Variants in SLC37A1 observed in about 807,000 individuals in gnomAD.
SLC37A1 encodes the protein glucose-6-phosphate exchanger SLC37A1.
A neutral mutation model predicts 75.3 loss-of-function variants in SLC37A1; 49 were observed. The observed-to-expected ratio is 0.65, with a 90% CI of 0.52 to 0.83. The LOEUF is 0.83. Ranked by LOEUF, SLC37A1 falls within the 40% of genes least tolerant of loss-of-function variation. The pLI is 0.00. For missense variants in SLC37A1, 566 were observed against 695.0 expected, an observed-to-expected ratio of 0.81 and a Z score of 2.09; for synonymous variants, 268 against 292.1, an observed-to-expected ratio of 0.92 and a Z score of 0.84.
chr21:42,525,949 A>C, intron 3 of SLC37A1, 92 bp downstream of exon 3: 1 of 841,964 alleles, frequency 1.2e-6, no homozygotes, highest in Non-Finnish European at 2.0e-6. Flanking sequence ...GGTAGCAGGT[A>C]CATGGGGAAA....
intron 17 of SLC37A1, among the ~76,000 whole-genome samples, chr21:42,573,579 G>A (rs777350163): frequency 5.9e-5 from 9 of 151,816 alleles, no homozygotes; most frequent in Admixed American, 1.3e-4. Context: ...ATGAGTAGCC[G>A]ACCATGTTTA....
At chr21:42,567,105 GTGCCATTCA>G (rs1209052786) in intron 16 of SLC37A1, 47 bp downstream of exon 16, 1 of 1,595,714 alleles carries the variant, frequency 6.3e-7, no homozygotes, top group Admixed American at 1.7e-5. Flanking sequence ...ACCCTGCCAT[GTGCCATTCA>G]TGACAAAAGT....
chr21:42,536,631 G>A (rs1461895280), intron 5 of SLC37A1, among the ~76,000 whole-genome samples: 3 of 152,218 alleles, frequency 2.0e-5, no homozygotes, highest in Non-Finnish European at 2.9e-5. Context: ...CAAGAGCCTC[G>A]TGCCACATTG....
At chr21:42,579,287 G>C (rs2056368054) in intron 18 of SLC37A1, among the ~76,000 whole-genome samples, 2 of 152,248 alleles carry the variant, frequency 1.3e-5, no homozygotes, top group South Asian at 4.1e-4. Context: ...TGGCGCCAGA[G>C]GAAGTGCTCA....
At chr21:42,561,772 T>G (rs2055836086) in intron 11 of SLC37A1, 1 of 310,480 alleles carries the variant, frequency 3.2e-6, no homozygotes, top group Non-Finnish European at 6.0e-6. Flanking sequence ...AAGTAGAAAA[T>G]CTGGCCACGC....
intron 17 of SLC37A1, among the ~76,000 whole-genome samples, chr21:42,571,100 C>A (rs2056152789): frequency 6.6e-6 from 1 of 152,236 alleles, no homozygotes; most frequent in Admixed American, 6.5e-5. Context: ...CCTACCCACC[C>A]CCACCACCAC....
At chr21:42,512,917 C>T (rs1281536502), upstream of SLC37A1, among the ~76,000 whole-genome samples, 2 of 152,262 alleles carry the variant, frequency 1.3e-5, no homozygotes, top group Admixed American at 1.3e-4. Context: ...AATGCCTTCT[C>T]CATTCTCCAG....
At chr21:42,518,007 G>A (rs1476558417) in intron 1 of SLC37A1, among the ~76,000 whole-genome samples, 1 of 152,158 alleles carries the variant, frequency 6.6e-6, no homozygotes, top group African/African-American at 2.4e-5. Flanking sequence ...AGATAGAGAT[G>A]AGTTCCTTGG....
chr21:42,541,388 T>C (rs2055278928), intron 6 of SLC37A1, among the ~76,000 whole-genome samples: 1 of 152,066 alleles, frequency 6.6e-6, no homozygotes, highest in African/African-American at 2.4e-5. Context: ...TGGCCCAGGG[T>C]TGGGGACCCT....
At chr21:42,518,133 G>T in intron 1 of SLC37A1, 144 bp from the exon 2 acceptor site, 1 of 338,016 alleles carries the variant, frequency 3.0e-6, no homozygotes, top group Non-Finnish European at 5.7e-6. Context: ...AACACTGCTG[G>T]TGGGGGCCCC....
At chr21:42,546,946 C>G (rs1029724873) in intron 8 of SLC37A1, among the ~76,000 whole-genome samples, 157 bp from the exon 9 acceptor site, 1 of 152,186 alleles carries the variant, frequency 6.6e-6, no homozygotes, top group Non-Finnish European at 1.5e-5. Context: ...GTTTTTGTGG[C>G]AAGAGCAGCT....
chr21:42,566,402 G>A (rs373784691), intron 15 of SLC37A1, among the ~76,000 whole-genome samples: 5 of 152,366 alleles, frequency 3.3e-5, no homozygotes, highest in East Asian at 1.9e-4. Context: ...GAGCGGTTGC[G>A]TAACCTTGGA....
intron 15 of SLC37A1, among the ~76,000 whole-genome samples, chr21:42,566,664 T>G (rs1387761621): frequency 6.6e-6 from 1 of 152,116 alleles, no homozygotes; most frequent in African/African-American, 2.4e-5. Context: ...GGTGGGGGTC[T>G]GCCCTCAGCG....
chr21:42,563,523 T>G (rs1301668725), intron 12 of SLC37A1, among the ~76,000 whole-genome samples: 1 of 152,148 alleles, frequency 6.6e-6, no homozygotes, highest in East Asian at 1.9e-4. Flanking sequence ...ACACCTCCAC[T>G]TCTGTCCTGT....
rs560277912 is a variant in SLC37A1 at position 42,567,780 on chromosome 21, CT to C, written c.1345-574del. On this transcript the variant is annotated intron_variant, in intron 16 of 19. Coordinates refer to ENST00000352133, the MANE Select transcript of SLC37A1 (RefSeq NM_001320537.2). ...TCCCCTCCTATTGTCCTCATTTTGG[CT>C]TTTTTCCCATTGTCTATGCAACATT... is the stretch of plus-strand genomic sequence containing the variant. 1.2e-3 allele frequency among the ~76,000 whole-genome samples: 190 copies of C among 152,252 alleles called. 5 individuals carry two copies. The South Asian group carries it at 0.034, about 27-fold the overall frequency.
At chr21:42,533,582 C>T (rs944256901) in intron 3 of SLC37A1, among the ~76,000 whole-genome samples, 4 of 151,734 alleles carry the variant, frequency 2.6e-5, no homozygotes, top group South Asian at 2.1e-4. Context: ...TGCCTCCCAA[C>T]GAGAAGCACC....
chr21:42,558,835 C>A (rs2055753532), intron 10 of SLC37A1, 123 bp from the exon 11 acceptor site: 1 of 1,240,518 alleles, frequency 8.1e-7, no homozygotes, highest in Middle Eastern at 2.7e-4. Context: ...CCCAGGATGT[C>A]TCCAAGGCAG....
chr21:42,557,787 T>G (rs2146960979), intron 10 of SLC37A1, among the ~76,000 whole-genome samples: 1 of 144,256 alleles, frequency 6.9e-6, no homozygotes, highest in Non-Finnish European at 1.5e-5. Context: ...CCATTTTCTT[T>G]TTTTTTTTTA....
intron 18 of SLC37A1, 101 bp downstream of exon 18, chr21:42,575,016 A>G (rs578046332): frequency 1.1e-4 from 166 of 1,544,156 alleles, no homozygotes; most frequent in Non-Finnish European, 1.4e-4. Context: ...CTGAGTTATC[A>G]GAGAGGTTTG....
Sources: gnomAD v4.1 joint callset for allele counts (sites outside exome capture counted in the v4.1 genomes callset) on GRCh38, gnomAD v4.1.1 for gene constraint, MANE v1.5 for transcripts, NCBI Gene and HGNC (gene_info 2026-07-23, HGNC 2026-07-21) for gene names.